Variants in PTPRT observed in about 807,000 individuals in gnomAD.
PTPRT encodes the protein receptor-type tyrosine-protein phosphatase T.
In PTPRT, 56 loss-of-function variants were observed where a neutral mutation model predicts 176.8. The observed-to-expected ratio is 0.32, with a 90% CI of 0.26 to 0.40. The LOEUF (loss-of-function observed/expected upper bound fraction) is 0.40, where lower values mean the gene tolerates loss of function less well. PTPRT is among the 10% of genes least tolerant of loss of function. PTPRT has a pLI of 1.00. For synonymous variants in PTPRT, 783 were observed against 739.0 expected (o/e 1.06, Z -0.96); for missense variants, 1,540 against 1,908.2 (o/e 0.81, Z 3.60).
intron 1 of PTPRT, among the ~76,000 whole-genome samples, chr20:43,106,566 A>C (rs1038355135): frequency 1.2e-4 from 18 of 148,842 alleles, no homozygotes; most frequent in African/African-American, 3.2e-4. Context: ...CTGAGGCAGG[A>C]GAATTGCTGG....
At chr20:42,827,843 A>G (rs1045231290) in intron 2 of PTPRT, among the ~76,000 whole-genome samples, 8 of 152,152 alleles carry the variant, frequency 5.3e-5, no homozygotes, top group Non-Finnish European at 1.2e-4. Flanking sequence ...CCCTTCCGCC[A>G]TTATTATAAG....
intron 7 of PTPRT, among the ~76,000 whole-genome samples, chr20:42,538,346 T>C (rs910018960): frequency 2.0e-5 from 3 of 152,144 alleles, no homozygotes; most frequent in African/African-American, 7.2e-5. Flanking sequence ...GTATCAGATG[T>C]CATCCTTGTA....
At chr20:42,067,136 G>C in the PTPRT span, among the ~76,000 whole-genome samples, 1 of 152,158 alleles carries the variant, frequency 6.6e-6, no homozygotes, top group African/African-American at 2.4e-5. Context: ...GGCTGCCAGA[G>C]AGCATCATGG....
At chr20:42,132,795 A>T (rs1988182341) in intron 18 of PTPRT, among the ~76,000 whole-genome samples, 1 of 152,170 alleles carries the variant, frequency 6.6e-6, no homozygotes, top group South Asian at 2.1e-4. Context: ...TTACCATACT[A>T]TATCTAGCAA....
intron 13 of PTPRT, chr20:42,270,561 C>T (rs935326326): frequency 1.1e-6 from 1 of 871,174 alleles, no homozygotes. Flanking sequence ...TCTTGTGGCT[C>T]TGAAGAGCTC....
chr20:42,529,449 G>A (rs1191317847), intron 7 of PTPRT, among the ~76,000 whole-genome samples: 1 of 152,140 alleles, frequency 6.6e-6, no homozygotes, highest in Admixed American at 6.6e-5. Flanking sequence ...GTATCATCAA[G>A]TCTGAAAACA....
rs190793243 is a variant in PTPRT at position 43,166,478 on chromosome 20, G to C, written c.88+23168C>G. Among the ~76,000 whole-genome samples the C allele has an allele frequency of 1.9e-3, 288 of 152,202 alleles. 1 individual carries two copies. The highest frequency in any genetic ancestry group is 2.1e-3 in the Non-Finnish European group (145 of 68,026). Reference sequence around the variant, plus strand: ...TCACTAAACATGGCCTTGGAGACACGATGTCTTAGGTTACATTTTCAGGAT... The same window carrying C: ...TCACTAAACATGGCCTTGGAGACACCATGTCTTAGGTTACATTTTCAGGAT... On this transcript the variant is annotated intron_variant, in intron 1 of 30. Transcript: ENST00000373187.
At chr20:42,614,139 G>T (rs1308486449) in intron 7 of PTPRT, among the ~76,000 whole-genome samples, 1 of 152,040 alleles carries the variant, frequency 6.6e-6, no homozygotes, top group Non-Finnish European at 1.5e-5. Context: ...TGGTTTGCTG[G>T]CAATCTCTGG....
chr20:42,757,810 CT>C (rs2076857409), intron 5 of PTPRT, among the ~76,000 whole-genome samples: 1 of 152,226 alleles, frequency 6.6e-6, no homozygotes, highest in Non-Finnish European at 1.5e-5. Context: ...GAACAAACCT[CT>C]TTCACAGTTG....
chr20:42,534,929 T>C (rs1024577232), intron 7 of PTPRT, among the ~76,000 whole-genome samples: 2 of 152,172 alleles, frequency 1.3e-5, no homozygotes, highest in African/African-American at 4.8e-5. Flanking sequence ...ATGCACCCAG[T>C]GCTGCGCTAA....
At chr20:42,104,048 C>T (rs1986192493) in intron 25 of PTPRT, among the ~76,000 whole-genome samples, 1 of 152,210 alleles carries the variant, frequency 6.6e-6, no homozygotes, top group Non-Finnish European at 1.5e-5. Flanking sequence ...TAAATGTTTT[C>T]ATCCCTCCCA....
intron 9 of PTPRT, among the ~76,000 whole-genome samples, chr20:42,438,679 G>A (rs146361680): frequency 3.3e-5 from 5 of 152,252 alleles, no homozygotes; most frequent in South Asian, 2.1e-4. Flanking sequence ...TCACATGTGC[G>A]CAGTGCAGGA....
chr20:42,396,467 A>G (rs3092260), intron 9 of PTPRT, among the ~76,000 whole-genome samples: 82,966 of 151,694 alleles, frequency 0.55, 22,784 homozygotes, highest in East Asian at 0.68. Context: ...TTAAACAAAA[A>G]GCCAAATTAG....
chr20:42,716,785 C>A (rs1380075886), intron 6 of PTPRT, among the ~76,000 whole-genome samples: 3 of 152,044 alleles, frequency 2.0e-5, no homozygotes, highest in Non-Finnish European at 4.4e-5. Context: ...TGGAACCAAC[C>A]CAAATGTCCA....
At chr20:42,109,221 G>A (rs1986801025) in intron 23 of PTPRT, among the ~76,000 whole-genome samples, 1 of 152,154 alleles carries the variant, frequency 6.6e-6, no homozygotes, top group Non-Finnish European at 1.5e-5. Flanking sequence ...GTCTTCCATG[G>A]TCTCTTGACT....
At chr20:42,606,506 C>T (rs1229178915) in intron 7 of PTPRT, among the ~76,000 whole-genome samples, 1 of 152,164 alleles carries the variant, frequency 6.6e-6, no homozygotes, top group East Asian at 1.9e-4. Flanking sequence ...CATATAATAC[C>T]TTTTGGTTGA....
chr20:42,370,636 A>G (rs1025633539), intron 9 of PTPRT, among the ~76,000 whole-genome samples: 10 of 152,166 alleles, frequency 6.6e-5, no homozygotes, highest in South Asian at 2.1e-4. Flanking sequence ...CCTTTCTTAT[A>G]GGTCAGAATG....
intron 11 of PTPRT, among the ~76,000 whole-genome samples, chr20:42,331,608 C>T (rs1021576024): frequency 1.3e-5 from 2 of 152,118 alleles, no homozygotes; most frequent in African/African-American, 4.8e-5. Context: ...AAATATTCTT[C>T]TTATGGGAAG....
In PTPRT at chr20:42,282,481, C is replaced by A. The variant is rs1044282175; in HGVS notation, c.2176+8G>T. 1 of 1,609,252 alleles carries A rather than the reference C, an allele frequency of 6.2e-7. No homozygotes were observed. The highest frequency in any genetic ancestry group is 1.3e-5 in the African/African-American group (1 of 74,672). On this transcript the variant is annotated splice_region_variant and intron_variant, in intron 13 of 30. Coordinates refer to ENST00000373187, the MANE Select transcript of PTPRT (RefSeq NM_007050.6). ...CAGGTGAAGACAGACAAGCAGATGC[C>A]AACATACCTTTTGTAGCCAGACGAA...
Sources: gnomAD v4.1 joint callset for allele counts (sites outside exome capture counted in the v4.1 genomes callset) on GRCh38, gnomAD v4.1.1 for gene constraint, MANE v1.5 for transcripts, NCBI Gene and HGNC (gene_info 2026-07-23, HGNC 2026-07-21) for gene names.